ST8SIA6: variants seen among roughly 807,000 people sequenced by gnomAD.
The protein encoded by ST8SIA6 is alpha-2,8-sialyltransferase 8F.
A neutral mutation model predicts 33.6 loss-of-function variants in ST8SIA6; 39 were observed. That is an observed-to-expected ratio of 1.16 (90% CI 0.90 to 1.52). ST8SIA6 has a LOEUF of 1.52. Ranked by LOEUF, ST8SIA6 falls within the 40% of genes most tolerant of loss-of-function variation. The pLI is 0.00. For synonymous variants in ST8SIA6, 172 were observed against 167.2 expected (o/e 1.03, Z -0.22); for missense variants, 441 against 443.8 (o/e 0.99, Z 0.06).
chr10:17,372,692 T>C (rs1325062828), intron 3 of ST8SIA6, among the ~76,000 whole-genome samples: 2 of 152,188 alleles, frequency 1.3e-5, no homozygotes, highest in African/African-American at 4.8e-5. Context: ...ATGTAAAGGA[T>C]TATGAACTGA....
At chr10:17,336,214 C>T (rs538871962) in intron 4 of ST8SIA6, among the ~76,000 whole-genome samples, 50 of 152,244 alleles carry the variant, frequency 3.3e-4, no homozygotes, top group Admixed American at 7.2e-4. Flanking sequence ...GCCTCAGCCT[C>T]CCAAAGTGCT....
rs571111919 is a variant in ST8SIA6 at position 17,332,725 on chromosome 10, G to A, written c.378-1173C>T. Reference sequence around the variant, plus strand: ...TCTGCCTGCCTCAGCCTCCCAATGTGCTATTTCTTGACTTTTTAATAATTG... The same window carrying A: ...TCTGCCTGCCTCAGCCTCCCAATGTACTATTTCTTGACTTTTTAATAATTG... On this transcript the variant is annotated intron_variant, in intron 4 of 7. Coordinates refer to ENST00000377602, the MANE Select transcript of ST8SIA6 (RefSeq NM_001004470.3). Among the ~76,000 whole-genome samples the A allele has an allele frequency of 5.9e-5, 9 of 152,254 alleles. No individual in the cohort carries two copies. In the East Asian group the frequency reaches 1.5e-3, roughly 26 times the overall value.
intron 2 of ST8SIA6, 32 bp downstream of exon 2, chr10:17,453,526 GC>G (rs1315330847): frequency 7.8e-7 from 1 of 1,275,808 alleles, no homozygotes; most frequent in Non-Finnish European, 1.0e-6. Flanking sequence ...CAGCTCCCGA[GC>G]CCCAGTCCGC....
chr10:17,409,450 T>C (rs948987591), intron 2 of ST8SIA6: 5 of 152,480 alleles, frequency 3.3e-5, no homozygotes, highest in African/African-American at 1.2e-4. Context: ...ATGCCTGTAA[T>C]CTCAGCAATT....
At chr10:17,321,494 A>G (rs1588772556) in intron 7 of ST8SIA6, 148 bp from the exon 8 acceptor site, 10 of 622,268 alleles carry the variant, frequency 1.6e-5, no homozygotes, top group Non-Finnish European at 2.7e-5. Context: ...ACTCAGAGAA[A>G]ACTCATTCAA....
intron 4 of ST8SIA6, among the ~76,000 whole-genome samples, chr10:17,356,457 C>G (rs547254416): frequency 6.6e-5 from 10 of 150,388 alleles, no homozygotes; most frequent in Non-Finnish European, 1.2e-4. Context: ...CAATTTAGAT[C>G]ACTGCAACCT....
chr10:17,380,913 TTGTGCGTG>T lies in ST8SIA6; in HGVS notation c.290+9610_290+9617del, dbSNP rs765880607. The stretch of plus-strand genomic sequence containing the variant: ...TGTATGCATATGTGTATATGTGTGT[TTGTGCGTG>T]TGTGTGTGTGTTTGTGTGTATGTGT... On this transcript the variant is annotated intron_variant, in intron 3 of 7. Coordinates refer to ENST00000377602, the MANE Select transcript of ST8SIA6 (RefSeq NM_001004470.3). 3.1e-4 allele frequency among the ~76,000 whole-genome samples: 39 copies of T among 124,352 alleles called. No homozygotes were observed. In the East Asian group the frequency reaches 0.012, roughly 40 times the overall value. The allele number at this position is 124,352 out of a possible 152,430, so 81.6% of individuals were successfully genotyped here.
intron 4 of ST8SIA6, among the ~76,000 whole-genome samples, chr10:17,345,052 C>T (rs1320538810): frequency 1.3e-5 from 2 of 152,144 alleles, no homozygotes; most frequent in Non-Finnish European, 2.9e-5. Flanking sequence ...AGAGAGACAA[C>T]AGCAAACAAT....
intron 2 of ST8SIA6, among the ~76,000 whole-genome samples, chr10:17,393,006 C>T (rs1588880375): frequency 6.6e-6 from 1 of 152,234 alleles, no homozygotes. Context: ...TGAGTAAAGG[C>T]TGCCCTCACC....
At chr10:17,345,424 A>G (rs1302857455) in intron 4 of ST8SIA6, among the ~76,000 whole-genome samples, 1 of 152,242 alleles carries the variant, frequency 6.6e-6, no homozygotes, top group African/African-American at 2.4e-5. Flanking sequence ...TACCTAAGCC[A>G]CCCAAAGTAT....
chr10:17,423,292 T>G (rs552362869), intron 2 of ST8SIA6, among the ~76,000 whole-genome samples: 1 of 152,338 alleles, frequency 6.6e-6, no homozygotes, highest in South Asian at 2.1e-4. Flanking sequence ...AATAATTAAT[T>G]TCCTTGGGGG....
In ST8SIA6 at chr10:17,340,389, C is replaced by T. The variant is rs979581507; in HGVS notation, c.378-8837G>A. The stretch of plus-strand genomic sequence containing the variant: ...CTGTGTCACCTTTAGTCACGTGTTC[C>T]GTAACTGTCTTTCCTGCCAAAACTG... On this transcript the variant is annotated intron_variant, in intron 4 of 7. Coordinates refer to ENST00000377602, the MANE Select transcript of ST8SIA6 (RefSeq NM_001004470.3). Among the ~76,000 whole-genome samples, 8 of 151,924 alleles carry T rather than the reference C, an allele frequency of 5.3e-5. 1 individual carries two copies. The highest frequency in any genetic ancestry group is 6.6e-5 in the Admixed American group (1 of 15,258).
Position 17,330,099 on chromosome 10 carries a change from C to A in ST8SIA6, c.522+1309G>T, listed in dbSNP as rs188136581. Among the ~76,000 whole-genome samples, 232 of 152,266 alleles carry A rather than the reference C, an allele frequency of 1.5e-3. 1 individual carries two copies. Among genetic ancestry groups the A allele is most frequent in the African/African-American group, 5.3e-3 (222 of 41,536 alleles). On this transcript the variant is annotated intron_variant, in intron 5 of 7. Transcript: ENST00000377602. The stretch of plus-strand genomic sequence containing the variant: ...ACACAAAAATAGGGACCTGGCTCTG[C>A]AATTGCTGCTGTATTGACTGCAGAA...
chr10:17,423,873 C>T (rs1168087941), intron 2 of ST8SIA6, among the ~76,000 whole-genome samples: 2 of 152,186 alleles, frequency 1.3e-5, no homozygotes, highest in African/African-American at 4.8e-5. Context: ...CTGTAGATAA[C>T]TAAAGTGATG....
chr10:17,444,425 C>T (rs1303931332), intron 2 of ST8SIA6, among the ~76,000 whole-genome samples: 1 of 152,162 alleles, frequency 6.6e-6, no homozygotes, highest in Non-Finnish European at 1.5e-5. Flanking sequence ...AAAATTCCAC[C>T]TCCAACAACC....
intron 2 of ST8SIA6, among the ~76,000 whole-genome samples, chr10:17,448,936 GCTT>G (rs767209396): frequency 1.4e-3 from 216 of 151,166 alleles, no homozygotes; most frequent in Non-Finnish European, 2.7e-3. Context: ...GTTTTATTGA[GCTT>G]CTTTCATAAT....
At chr10:17,405,205 T>TA (rs896366732) in intron 2 of ST8SIA6, among the ~76,000 whole-genome samples, 10 of 151,918 alleles carry the variant, frequency 6.6e-5, no homozygotes, top group East Asian at 5.8e-4. Flanking sequence ...CTCACCTTTA[T>TA]AAAAAAACTT....
At chr10:17,347,102 C>T (rs550735364) in intron 4 of ST8SIA6, among the ~76,000 whole-genome samples, 119 of 152,308 alleles carry the variant, frequency 7.8e-4, no homozygotes, top group African/African-American at 2.6e-3. Context: ...AGCGCCTTTA[C>T]TTAATGTCAA....
chr10:17,343,525 C>G (rs61677476), intron 4 of ST8SIA6, among the ~76,000 whole-genome samples: 2 of 152,142 alleles, frequency 1.3e-5, no homozygotes, highest in African/African-American at 4.8e-5. Flanking sequence ...AAAGAGCAAA[C>G]TAAGACTGCA....
Sources: gnomAD v4.1 joint callset for allele counts (sites outside exome capture counted in the v4.1 genomes callset) on GRCh38, gnomAD v4.1.1 for gene constraint, MANE v1.5 for transcripts, NCBI Gene and HGNC (gene_info 2026-07-23, HGNC 2026-07-21) for gene names.